Variants in ANXA11 observed in about 807,000 individuals in gnomAD.
ANXA11 encodes the protein annexin A11.
Under a neutral mutation model 64.7 loss-of-function variants are expected in ANXA11, and 57 were observed. That is an observed-to-expected ratio of 0.88 (90% CI 0.71 to 1.10). The LOEUF (loss-of-function observed/expected upper bound fraction) is 1.10, where lower values mean the gene tolerates loss of function less well. ANXA11 is among the 50% of genes least tolerant of loss of function. The probability of loss-of-function intolerance (pLI) is 0.00; values close to 1 mark genes in which losing one functional copy is unlikely to be tolerated. For missense variants in ANXA11, 675 were observed against 670.7 expected, an observed-to-expected ratio of 1.01 and a Z score of -0.07; for synonymous variants, 260 against 265.2, an observed-to-expected ratio of 0.98 and a Z score of 0.19.
chr10:80,187,433 C>G (rs1276698159), intron 1 of ANXA11, among the ~76,000 whole-genome samples: 2 of 152,218 alleles, frequency 1.3e-5, no homozygotes, highest in African/African-American at 4.8e-5. Flanking sequence ...GCCTCCAGAA[C>G]TGTGAGCAAT....
At chr10:80,186,108 C>T (rs1463950442) in intron 1 of ANXA11, among the ~76,000 whole-genome samples, 1 of 152,174 alleles carries the variant, frequency 6.6e-6, no homozygotes, top group Non-Finnish European at 1.5e-5. Context: ...TGACAGTTTA[C>T]GAGACCTTTC....
Position 80,170,882 on chromosome 10 carries a change from G to A in ANXA11, c.89C>T (p.Pro30Leu). The A allele has an allele frequency of 6.4e-7, 1 of 1,571,962 alleles. No homozygotes were observed. The highest frequency in any genetic ancestry group is 8.6e-7 in the Non-Finnish European group (1 of 1,160,442). ...GGPWGGAAYP[P>L]PPSMPPIGLD... ...CCCGATGGGGGGCATGCTGGGCGGA[G>A]GAGGGTAGGCAGCACCTCCCCAGGG... The change falls in exon 4 of 16, where the codon CCT (proline) becomes CTT (leucine). Residue 30 changes from proline (P) to leucine (L), a missense_variant. Transcript: ENST00000422982.
intron 1 of ANXA11, among the ~76,000 whole-genome samples, chr10:80,202,051 C>CT (rs756407237): frequency 6.6e-6 from 1 of 152,248 alleles, no homozygotes; most frequent in Non-Finnish European, 1.5e-5. Flanking sequence ...ACTCCACCCT[C>CT]TGCTTCACAG....
rs749573800 is a variant in ANXA11, at chr10:80,161,946, T to C, written c.1169A>G (p.His390Arg). The change falls in exon 12 of 16, where the codon CAC becomes CGC. Residue 390 changes from histidine to arginine, a missense_variant. Physicochemically the swap from His to Arg is conservative, Grantham distance 29. Coordinates refer to ENST00000422982, the MANE Select transcript of ANXA11 (RefSeq NM_145868.2). ...NAVLCSRSRA[H>R]LVAVFNEYQR... ...CCAGCCTGCCTTACCTGCTACCAGG[T>C]GGGCCCGGCTCCGGGAGCACAGAAC... 6.2e-7 allele frequency: 1 copy of C among 1,611,870 alleles called. No homozygotes were observed. The highest frequency in any genetic ancestry group is 8.5e-7 in the Non-Finnish European group (1 of 1,179,322).
intron 1 of ANXA11, among the ~76,000 whole-genome samples, chr10:80,190,258 G>C (rs1442903899): frequency 6.6e-6 from 1 of 151,948 alleles, no homozygotes; most frequent in Non-Finnish European, 1.5e-5. Flanking sequence ...TGGGTAAAAT[G>C]GTAAATTTTA....
At chr10:80,193,340 T>C (rs1055892219) in intron 1 of ANXA11, among the ~76,000 whole-genome samples, 2 of 152,310 alleles carry the variant, frequency 1.3e-5, no homozygotes, top group East Asian at 3.9e-4. Flanking sequence ...TAATTAAAAA[T>C]AGTTAAAAAT....
chr10:80,171,312 T>A, intron 3 of ANXA11: 1 of 991,082 alleles, frequency 1.0e-6, no homozygotes, highest in Middle Eastern at 3.3e-4. Context: ...GCTCTGAGAT[T>A]TCAGTAATGC....
chr10:80,164,550 T>C (rs1293071177), intron 8 of ANXA11, among the ~76,000 whole-genome samples: 1 of 152,118 alleles, frequency 6.6e-6, no homozygotes, highest in Non-Finnish European at 1.5e-5. Flanking sequence ...CAAGTGGACA[T>C]ACGAAACCCT....
At chr10:80,179,418 ATAAAT>A (rs1846280082) in intron 1 of ANXA11, among the ~76,000 whole-genome samples, 1 of 152,220 alleles carries the variant, frequency 6.6e-6, no homozygotes, top group South Asian at 2.1e-4. Flanking sequence ...TCTTTTCTTT[ATAAAT>A]TACCCAGTTT....
At position 80,180,755 on chromosome 10, in the gene ANXA11, C is replaced by T. The variant is rs189583119; in HGVS notation, c.-57-4600G>A. Among the ~76,000 whole-genome samples the T allele has an allele frequency of 2.8e-4, 42 of 151,682 alleles. No homozygotes were observed. In the East Asian group the frequency reaches 7.7e-3, roughly 28 times the overall value. ...TTGTATCCATAAAATTTAAATATAT[C>T]ATTGCTATTGTTTAAATGTATCCCC... On this transcript the variant is annotated intron_variant, in intron 1 of 15. Transcript: ENST00000422982.
intron 1 of ANXA11, among the ~76,000 whole-genome samples, chr10:80,199,095 C>CTTT (rs71482767): frequency 1.6e-4 from 21 of 133,496 alleles, no homozygotes; most frequent in African/African-American, 4.6e-4. Context: ...TCAAGATAAA[C>CTTT]TTTTTTTTTT....
intron 8 of ANXA11, 22 bp downstream of exon 8, chr10:80,166,040 GCGCACACACACACACACACACA>G (rs1427161003): frequency 4.7e-5 from 51 of 1,077,500 alleles, no homozygotes; most frequent in Non-Finnish European, 6.4e-5. Flanking sequence ...GCACACACGC[GCGCACACACACACACACACACA>G]CACACACACA....
chr10:80,160,580 G>A (rs1315885421), intron 12 of ANXA11, among the ~76,000 whole-genome samples: 1 of 152,026 alleles, frequency 6.6e-6, no homozygotes, highest in Non-Finnish European at 1.5e-5. Context: ...CCTCACACTG[G>A]CCTCCAGGAC....
At chr10:80,167,101 C>T in intron 6 of ANXA11, 117 bp from the exon 7 acceptor site, 1 of 1,264,218 alleles carries the variant, frequency 7.9e-7, no homozygotes, top group East Asian at 2.5e-5. Flanking sequence ...ACCCCCACAT[C>T]CACCTTCTAT....
chr10:80,170,907 G>A lies in ANXA11; in HGVS notation c.64C>T (p.Pro22Ser), dbSNP rs1564612447. The change falls in exon 4 of 16, where the codon CCC becomes TCC. Residue 22 changes from proline (P) to serine (S), a missense_variant. Transcript: ENST00000422982. Reference protein sequence around the residue: ...GYPPAAPGGGPWGGAAYPPPP... With the variant: ...GYPPAAPGGGSWGGAAYPPPP... ...GGAGGGTAGGCAGCACCTCCCCAGG[G>A]ACCACCACCTGAAAGCAACACCAAG... 6.3e-7 allele frequency: 1 copy of A among 1,587,278 alleles called. No homozygotes were observed. The highest frequency in any genetic ancestry group is 8.6e-7 in the Non-Finnish European group (1 of 1,167,132).
intron 1 of ANXA11, among the ~76,000 whole-genome samples, chr10:80,199,884 G>A (rs1236485291): frequency 6.6e-6 from 1 of 152,156 alleles, no homozygotes; most frequent in African/African-American, 2.4e-5. Flanking sequence ...AGTTTATGTG[G>A]CTTAAAACAC....
chr10:80,165,782 C>T (rs945367873), intron 8 of ANXA11, among the ~76,000 whole-genome samples: 7 of 152,128 alleles, frequency 4.6e-5, no homozygotes, highest in Admixed American at 1.3e-4. Context: ...ACCACAGAAT[C>T]GCAACCTTCA....
intron 8 of ANXA11, among the ~76,000 whole-genome samples, chr10:80,165,454 C>T (rs758739944): frequency 2.2e-4 from 34 of 152,132 alleles, no homozygotes; most frequent in Non-Finnish European, 3.2e-4. Context: ...AAGCCGGGCC[C>T]GTCAGAACCT....
chr10:80,159,301 G>A, intron 12 of ANXA11, 106 bp from the exon 13 acceptor site: 1 of 888,422 alleles, frequency 1.1e-6, no homozygotes, highest in Non-Finnish European at 1.8e-6. Context: ...CGTGTTTGGA[G>A]ATAAGATCTT....
Sources: allele counts gnomAD v4.1 joint callset (sites outside exome capture counted in the v4.1 genomes callset), GRCh38; gene constraint gnomAD v4.1.1; transcripts MANE v1.5; gene names NCBI Gene and HGNC (gene_info 2026-07-23, HGNC 2026-07-21).